The following HIVEP3 variants were observed in gnomAD, a reference collection of about 807,000 sequenced individuals.
HIVEP3 encodes HIVEP zinc finger 3.
HIVEP3 carries 49 observed loss-of-function variants against 152.8 expected under a neutral mutation model. The ratio of observed to expected loss-of-function variants is 0.32; its 90% CI spans 0.26 to 0.41. The LOEUF is 0.41. Ranked by LOEUF, HIVEP3 falls within the 10% of genes least tolerant of loss-of-function variation. HIVEP3 has a pLI of 1.00. For synonymous variants in HIVEP3, 1,269 were observed against 1,289.0 expected (o/e 0.98, Z 0.33); for missense variants, 2,790 against 3,103.3 (o/e 0.90, Z 2.40).
At chr1:41,641,229 C>T (rs1319668911) in intron 2 of HIVEP3, among the ~76,000 whole-genome samples, 4 of 152,264 alleles carry the variant, frequency 2.6e-5, no homozygotes, top group African/African-American at 9.6e-5. Flanking sequence ...ACCTCCACCA[C>T]TGGCCCACAG....
chr1:41,973,304 A>G (rs1050821239), intron 1 of HIVEP3, among the ~76,000 whole-genome samples: 1 of 152,232 alleles, frequency 6.6e-6, no homozygotes, highest in Non-Finnish European at 1.5e-5. Flanking sequence ...GGTCTCTTGC[A>G]AGGCTGCAAC....
chr1:41,582,060 A>G lies in HIVEP3; in HGVS notation c.2738T>C (p.Met913Thr). 1 of 1,614,142 alleles carries G rather than the reference A, an allele frequency of 6.2e-7. No individual in the cohort carries two copies. Among genetic ancestry groups the G allele is most frequent in the South Asian group, 1.1e-5 (1 of 91,070 alleles). ...GCTGGACTCCCCTGATGATTGGGCC[A>G]TCTCTGCCAGGCGCAACCTCTTCTT... ...PKKKRLRLAEMAQSSGESSFE... is the reference protein window; with the variant it reads ...PKKKRLRLAETAQSSGESSFE... Residue 913 changes from methionine (M) to threonine (T), a missense_variant, in exon 4 of 9, where the codon ATG becomes ACG. Met to Thr is a moderately conservative substitution (Grantham distance 81, BLOSUM62 -1). Around this residue, in one of 9 missense-constraint regions of HIVEP3, gnomAD observed 1,078 missense variants for 1,165.3 expected, o/e 0.93. Transcript: ENST00000372583. The surrounding 1 kb of genome is among the most constrained non-coding windows in gnomAD (Gnocchi z 4.7).
At position 41,589,336 on chromosome 1, in the gene HIVEP3, C is replaced by A. The variant is rs77238383; in HGVS notation, c.-521-4018G>T. On this transcript the variant is annotated intron_variant, in intron 3 of 8. Transcript: ENST00000372583. ...CTGAGGGGAACCTGAGCTTCAGCAG[C>A]CAACTGGTTAGCTCCCACTTCAAGA... is the stretch of plus-strand genomic sequence containing the variant. 7.7e-3 allele frequency among the ~76,000 whole-genome samples: 1,180 copies of A among 152,312 alleles called. 7 individuals are homozygous for A. Among genetic ancestry groups the A allele is most frequent in the Non-Finnish European group, 0.011 (759 of 68,024 alleles).
chr1:41,543,673 T>C (rs981206608), intron 5 of HIVEP3: 8 of 152,354 alleles, frequency 5.3e-5, no homozygotes, highest in African/African-American at 1.9e-4. Context: ...ATATTGAGAC[T>C]GGGGCTAGAC....
At chr1:42,009,687 C>A in intron 1 of HIVEP3, among the ~76,000 whole-genome samples, 1 of 152,114 alleles carries the variant, frequency 6.6e-6, no homozygotes. Context: ...GATCTGTTCT[C>A]ATTTATCCTG....
intron 1 of HIVEP3, among the ~76,000 whole-genome samples, chr1:41,791,490 T>G (rs1570547959): frequency 6.6e-6 from 1 of 152,254 alleles, no homozygotes; most frequent in South Asian, 2.1e-4. Flanking sequence ...CTTTTTCTAG[T>G]TTTTTTATAT....
chr1:41,554,470 C>A (rs1284171588), intron 5 of HIVEP3, among the ~76,000 whole-genome samples: 3 of 152,184 alleles, frequency 2.0e-5, no homozygotes. Context: ...TATTACCGAC[C>A]TTCTGAAGCT....
chr1:41,564,243 CA>C (rs1215134672), intron 5 of HIVEP3, among the ~76,000 whole-genome samples: 2 of 151,754 alleles, frequency 1.3e-5, no homozygotes, highest in Non-Finnish European at 2.9e-5. Flanking sequence ...TGGATGGAGA[CA>C]AAAATGGAGG....
intron 1 of HIVEP3, among the ~76,000 whole-genome samples, chr1:42,035,273 C>T (rs867769478): frequency 5.3e-5 from 8 of 152,330 alleles, no homozygotes; most frequent in African/African-American, 1.7e-4. Context: ...CAGCAGCAGC[C>T]TCCCGGCCCA....
chr1:41,724,871 G>A (rs1646730108), intron 1 of HIVEP3, among the ~76,000 whole-genome samples: 1 of 152,216 alleles, frequency 6.6e-6, no homozygotes, highest in Non-Finnish European at 1.5e-5. Context: ...GTCCGGCTGG[G>A]GCTCAGCAGA....
At chr1:41,875,647 G>A (rs1644157351) in intron 1 of HIVEP3, among the ~76,000 whole-genome samples, 1 of 152,158 alleles carries the variant, frequency 6.6e-6, no homozygotes, top group Admixed American at 6.5e-5. Context: ...AGCAGCTGTG[G>A]GGCCTCCTTT....
At chr1:41,735,715 C>A (rs1052804501) in intron 1 of HIVEP3, among the ~76,000 whole-genome samples, 1 of 152,150 alleles carries the variant, frequency 6.6e-6, no homozygotes, top group African/African-American at 2.4e-5. Flanking sequence ...TCAGCACAGG[C>A]AAACTCCATG....
At chr1:41,601,297 G>A (rs766007148) in intron 3 of HIVEP3, among the ~76,000 whole-genome samples, 1 of 152,130 alleles carries the variant, frequency 6.6e-6, no homozygotes, top group Non-Finnish European at 1.5e-5. Context: ...TAATGTAATT[G>A]AGATTTTTAT....
At chr1:41,781,466 C>A (rs967737264) in intron 1 of HIVEP3, among the ~76,000 whole-genome samples, 8 of 152,216 alleles carry the variant, frequency 5.3e-5, no homozygotes, top group African/African-American at 1.9e-4. Context: ...TCCTAAAGGG[C>A]TCTTGAAATG....
chr1:41,811,097 A>ATT lies in HIVEP3; in HGVS notation c.-801+107314_-801+107315dup, dbSNP rs11307649. Reference sequence around the variant, plus strand: ...TTGGCCTGAGTCCTCCAATGACCAGATTTTTTTTTTTTTTGTACCTAATGC... The same window carrying ATT: ...TTGGCCTGAGTCCTCCAATGACCAGATTTTTTTTTTTTTTTTGTACCTAATGC... On this transcript the variant is annotated intron_variant, in intron 1 of 8. Transcript: ENST00000372583. Among the ~76,000 whole-genome samples, 730 of 145,094 alleles carry ATT rather than the reference A, an allele frequency of 5.0e-3. 7 individuals carry two copies. Among genetic ancestry groups the ATT allele is most frequent in the African/African-American group, 0.018 (699 of 39,392 alleles).
intron 1 of HIVEP3, among the ~76,000 whole-genome samples, chr1:41,840,145 C>T (rs934121453): frequency 1.3e-5 from 2 of 152,180 alleles, no homozygotes; most frequent in East Asian, 3.9e-4. Context: ...CTCTTTGTCA[C>T]TTGTTCCTGA....
At chr1:41,667,341 G>T (rs1490616999) in intron 2 of HIVEP3, among the ~76,000 whole-genome samples, 1 of 152,222 alleles carries the variant, frequency 6.6e-6, no homozygotes, top group Non-Finnish European at 1.5e-5. Context: ...AATGACAAAA[G>T]CATCCTCTTT....
chr1:41,909,205 G>A (rs1300240072), intron 1 of HIVEP3, among the ~76,000 whole-genome samples: 1 of 152,066 alleles, frequency 6.6e-6, no homozygotes, highest in Non-Finnish European at 1.5e-5. Context: ...TCAAAAACAA[G>A]GGGAAAAATA....
chr1:41,732,125 G>A (rs1646848781), intron 1 of HIVEP3, among the ~76,000 whole-genome samples: 3 of 152,138 alleles, frequency 2.0e-5, no homozygotes, highest in African/African-American at 7.2e-5. Flanking sequence ...AGCTTTGGAT[G>A]GGCTAGACTA....
Sources: gnomAD v4.1 joint callset for allele counts (sites outside exome capture counted in the v4.1 genomes callset) on GRCh38, gnomAD v4.1.1 for gene constraint, gnomAD v4.1.1 regional missense constraint, Gnocchi (gnomAD v3.1) non-coding constraint, MANE v1.5 for transcripts, NCBI Gene and HGNC (gene_info 2026-07-23, HGNC 2026-07-21) for gene names.